PCDHA1: variants seen among roughly 807,000 people sequenced by gnomAD.
The protein encoded by PCDHA1 is protocadherin alpha-1.
PCDHA1 carries 42 observed loss-of-function variants against 61.3 expected under a neutral mutation model. That is an observed-to-expected ratio of 0.69 (90% CI 0.54 to 0.89). PCDHA1 has a LOEUF of 0.89. Ranked by LOEUF, PCDHA1 falls within the 40% of genes least tolerant of loss-of-function variation. The pLI is 0.00. For synonymous variants in PCDHA1, 610 were observed against 553.8 expected, an observed-to-expected ratio of 1.10 and a Z score of -1.43; for missense variants, 1,256 against 1,235.3, an observed-to-expected ratio of 1.02 and a Z score of -0.25.
At chr5:140,856,624 G>T in intron 1 of PCDHA1, 1 of 1,597,992 alleles carries the variant, frequency 6.3e-7, no homozygotes, top group Non-Finnish European at 8.6e-7. Context: ...AATTCCCAGT[G>T]CTTGTTCTGC....
In PCDHA1 at chr5:140,788,036, G is replaced by A. The variant is rs1554118091; in HGVS notation, c.1746G>A (p.Pro582=). 1 of 1,614,016 alleles carries A rather than the reference G, an allele frequency of 6.2e-7. No individual in the cohort carries two copies. Among genetic ancestry groups the A allele is most frequent in the Non-Finnish European group, 8.5e-7 (1 of 1,179,904 alleles). Residue 582 remains proline, a synonymous_variant, in exon 1 of 4, where the codon CCG becomes CCA. Coordinates refer to ENST00000504120, the MANE Select transcript of PCDHA1 (RefSeq NM_018900.4). The stretch of plus-strand genomic sequence containing the variant: ...TTGGTGCAGTCAGTGAGCTGGTGCC[G>A]CGATTGGTGGGTGCGGGTCATGTGG... ...GTIGAVSELV[P]RLVGAGHVVA...
intron 1 of PCDHA1, chr5:140,842,489 A>G (rs1778000282): frequency 6.2e-7 from 1 of 1,613,908 alleles, no homozygotes; most frequent in Middle Eastern, 1.6e-4. Context: ...CTGCTCCCTG[A>G]TGCCCCATGT....
At chr5:140,927,412 G>T (rs781968521) in intron 1 of PCDHA1, 1 of 1,614,122 alleles carries the variant, frequency 6.2e-7, no homozygotes, top group East Asian at 2.2e-5. Flanking sequence ...CCTGGACATG[G>T]GATCGCGGGT....
intron 1 of PCDHA1, chr5:140,843,724 A>G: frequency 6.4e-7 from 1 of 1,561,476 alleles, no homozygotes; most frequent in East Asian, 2.2e-5. Context: ...AAGTAAGTCC[A>G]TTTAAATTTA....
rs372693703 is a variant in PCDHA1 at position 140,787,680 on chromosome 5, G to T, written c.1390G>T (p.Val464Leu). The T allele has an allele frequency of 2.2e-5, 35 of 1,613,782 alleles. No individual in the cohort carries two copies. The highest frequency in any genetic ancestry group is 2.6e-5 in the Non-Finnish European group (31 of 1,179,938). The change falls in exon 1 of 4, where the codon GTG becomes TTG. Residue 464 changes from valine (V) to leucine (L), a missense_variant. Transcript: ENST00000504120. ...AFAQPEYTVF[V>L]KENNPPGCHI... ...CGCGCAGCCCGAGTACACAGTATTC[G>T]TGAAGGAGAACAACCCGCCGGGCTG...
At chr5:140,897,050 G>C (rs1269082503) in intron 1 of PCDHA1, among the ~76,000 whole-genome samples, 1 of 152,014 alleles carries the variant, frequency 6.6e-6, no homozygotes, top group African/African-American at 2.4e-5. Flanking sequence ...CTATTCTGCT[G>C]TCAAATACTA....
chr5:140,876,806 T>C (rs1554168956), intron 1 of PCDHA1: 2 of 1,613,976 alleles, frequency 1.2e-6, no homozygotes, highest in South Asian at 2.2e-5. Context: ...TCCGTGGAGG[T>C]GGCCGACGTG....
intron 1 of PCDHA1, among the ~76,000 whole-genome samples, chr5:140,977,937 T>C (rs1264352481): frequency 5.3e-5 from 8 of 152,162 alleles, no homozygotes; most frequent in African/African-American, 1.9e-4. Flanking sequence ...TATACCTCAA[T>C]ATTCAGTGAC....
chr5:140,810,036 T>C (rs1184340137), intron 1 of PCDHA1: 7 of 154,932 alleles, frequency 4.5e-5, no homozygotes, highest in Admixed American at 4.5e-4. Flanking sequence ...ACATTTGCCT[T>C]TTATAACTGT....
Position 140,851,840 on chromosome 5 carries a change from T to C in PCDHA1, c.2394+63156T>C. ...AGAAATCTGTTTTTTTAAAAATATCTTTTTCTCCTCTCAGCTCATACATAA... is the reference window on the plus strand; with the variant it reads ...AGAAATCTGTTTTTTTAAAAATATCCTTTTCTCCTCTCAGCTCATACATAA... On this transcript the variant is annotated intron_variant, in intron 1 of 3. Coordinates refer to ENST00000504120, the MANE Select transcript of PCDHA1 (RefSeq NM_018900.4). 3 of 970,528 alleles carry C rather than the reference T, an allele frequency of 3.1e-6. 1 individual carries two copies. The highest frequency in any genetic ancestry group is 3.7e-6 in the Non-Finnish European group (3 of 803,428). The allele number at this position is 970,528 out of a possible 1,614,324, so 60.1% of individuals were successfully genotyped here.
At position 140,787,687 on chromosome 5, in the gene PCDHA1, A is replaced by G. The variant is rs1761392083; in HGVS notation, c.1397A>G (p.Glu466Gly). Residue 466 changes from glutamate (E) to glycine (G), a missense_variant, in exon 1 of 4, where the codon GAG becomes GGG. Physicochemically the swap from Glu to Gly is moderately conservative, Grantham distance 98. Coordinates refer to ENST00000504120, the MANE Select transcript of PCDHA1 (RefSeq NM_018900.4). ...AQPEYTVFVK[E>G]NNPPGCHIFT... ...CCCGAGTACACAGTATTCGTGAAGG[A>G]GAACAACCCGCCGGGCTGCCACATC... 6.2e-7 allele frequency: 1 copy of G among 1,613,816 alleles called. No homozygotes were observed. The highest frequency in any genetic ancestry group is 8.5e-7 in the Non-Finnish European group (1 of 1,179,924).
At chr5:140,986,398 G>C (rs973049448) in intron 3 of PCDHA1, among the ~76,000 whole-genome samples, 1 of 152,174 alleles carries the variant, frequency 6.6e-6, no homozygotes, top group Non-Finnish European at 1.5e-5. Context: ...AGGGCCAGTC[G>C]CTCATGTTAC....
chr5:140,801,134 A>T, intron 1 of PCDHA1: 1 of 1,523,918 alleles, frequency 6.6e-7, no homozygotes, highest in Non-Finnish European at 8.8e-7. Flanking sequence ...AAGATAAGGA[A>T]CTCGAATTAT....
chr5:140,875,651 T>C lies in PCDHA1; in HGVS notation c.2394+86967T>C, dbSNP rs782085221. 1.4e-5 allele frequency: 23 copies of C among 1,613,722 alleles called. No homozygotes were observed. The East Asian group carries it at 5.1e-4, about 36-fold the overall frequency. On this transcript the variant is annotated intron_variant, in intron 1 of 3. Transcript: ENST00000504120. The stretch of plus-strand genomic sequence containing the variant: ...CTGGGGCTGGAGCTGGCGGAGCTGG[T>C]GCCGCGCCTGTTCCGGGTGGCGTCC...
chr5:140,961,639 G>A (rs2095626284), intron 1 of PCDHA1, among the ~76,000 whole-genome samples: 1 of 152,144 alleles, frequency 6.6e-6, no homozygotes, highest in East Asian at 1.9e-4. Flanking sequence ...ACAATCTTAA[G>A]TCTATGTGGT....
chr5:140,821,529 A>C (rs2150109691), intron 1 of PCDHA1: 1 of 437,618 alleles, frequency 2.3e-6, no homozygotes, highest in Non-Finnish European at 4.0e-6. Context: ...AAACAAAATA[A>C]AACACTTACC....
intron 1 of PCDHA1, chr5:140,854,286 T>A: frequency 1.9e-6 from 1 of 522,000 alleles, no homozygotes; most frequent in Non-Finnish European, 2.5e-6. Flanking sequence ...AGTTTAGTTT[T>A]TATTATTTTG....
intron 1 of PCDHA1, chr5:140,797,464 T>C (rs782069726): frequency 1.6e-6 from 2 of 1,250,264 alleles, no homozygotes; most frequent in Non-Finnish European, 2.2e-6. Context: ...TATATCATCC[T>C]ACCGTGCGAT....
At chr5:140,830,256 G>C (rs1770932829) in intron 1 of PCDHA1, 1 of 1,613,562 alleles carries the variant, frequency 6.2e-7, no homozygotes, top group African/African-American at 1.3e-5. Flanking sequence ...ACAGCGCTGC[G>C]GTGCTCGGCG....
Sources: allele counts gnomAD v4.1 joint callset (sites outside exome capture counted in the v4.1 genomes callset), GRCh38; gene constraint gnomAD v4.1.1; transcripts MANE v1.5; gene names NCBI Gene and HGNC (gene_info 2026-07-23, HGNC 2026-07-21).